Variants in PLCG2 observed in about 807,000 individuals in gnomAD.
PLCG2 encodes 1-phosphatidylinositol 4,5-bisphosphate phosphodiesterase gamma-2.
A neutral mutation model predicts 175.6 loss-of-function variants in PLCG2; 69 were observed. That is an observed-to-expected ratio of 0.39 (90% confidence interval 0.32 to 0.48). The LOEUF (loss-of-function observed/expected upper bound fraction) is 0.48, where lower values mean the gene tolerates loss of function less well. Ranked by LOEUF, PLCG2 falls within the 20% of genes least tolerant of loss-of-function variation. The probability of loss-of-function intolerance (pLI) is 0.91; values close to 1 mark genes in which losing one functional copy is unlikely to be tolerated. For missense variants in PLCG2, 1,798 were observed against 1,650.9 expected, an observed-to-expected ratio of 1.09 and a Z score of -1.54; for synonymous variants, 827 against 624.0, an observed-to-expected ratio of 1.33 and a Z score of -4.85.
intron 2 of PLCG2, among the ~76,000 whole-genome samples, chr16:81,852,677 A>G (rs1052933048): frequency 2.0e-5 from 3 of 152,218 alleles, no homozygotes; most frequent in Non-Finnish European, 2.9e-5. Context: ...ATCTATTGCT[A>G]TACAACAAAC....
At chr16:81,781,411 C>G (rs1910725638) in intron 1 of PLCG2, among the ~76,000 whole-genome samples, 1 of 54,440 alleles carries the variant, frequency 1.8e-5, no homozygotes, top group Admixed American at 2.2e-4. Context: ...CAGTTGTTTT[C>G]TGTTTTTTTT....
rs541204865 is a variant in PLCG2, at chr16:81,885,725, T to C, written c.765+2384T>C. Among the ~76,000 whole-genome samples the C allele has an allele frequency of 7.7e-4, 118 of 152,282 alleles. 1 individual carries two copies. In the South Asian group the frequency reaches 0.016, roughly 20 times the overall value. On this transcript the variant is annotated intron_variant, in intron 9 of 32. Transcript: ENST00000564138. ...ATACCCAGCCTGCATTTGGATTTCA[T>C]TGATGGAAGAGAAACTTATGAGTAG...
chr16:81,925,530 G>A (rs1910227927), intron 22 of PLCG2, among the ~76,000 whole-genome samples: 1 of 152,148 alleles, frequency 6.6e-6, no homozygotes, highest in Non-Finnish European at 1.5e-5. Context: ...TCCTCACTCT[G>A]CTTATTCAGA....
At chr16:81,787,476 C>T (rs1292360854) in intron 2 of PLCG2, among the ~76,000 whole-genome samples, 3 of 137,204 alleles carry the variant, frequency 2.2e-5, no homozygotes, top group Non-Finnish European at 4.6e-5. Flanking sequence ...GATCCTCCCT[C>T]CTTGGCCTCC....
chr16:81,933,169 C>A (rs931850107), intron 25 of PLCG2, among the ~76,000 whole-genome samples: 1 of 152,238 alleles, frequency 6.6e-6, no homozygotes, highest in African/African-American at 2.4e-5. Flanking sequence ...TCCTCTCTAA[C>A]TGGTTTTTAT....
At position 81,912,670 on chromosome 16, in the gene PLCG2, C is replaced by G; in HGVS notation, c.2008C>G (p.Leu670Val). 1.9e-6 allele frequency: 3 copies of G among 1,612,824 alleles called. No homozygotes were observed. The highest frequency in any genetic ancestry group is 1.7e-4 in the Middle Eastern group (1 of 6,060). ...GAGGATTCCCCGGGACGGGGCCTTC[C>G]TGATCCGGAAGCGAGAGGGGAGCGA... is the stretch of plus-strand genomic sequence containing the variant. ...LMRIPRDGAF[L>V]IRKREGSDSY... Residue 670 changes from leucine to valine, a missense_variant, in exon 19 of 33, where the codon CTG (leucine) becomes GTG (valine). Physicochemically the swap from Leu to Val is conservative, Grantham distance 32. Coordinates refer to ENST00000564138, the MANE Select transcript of PLCG2 (RefSeq NM_002661.5).
At chr16:81,808,875 A>G (rs1904294670) in intron 2 of PLCG2, among the ~76,000 whole-genome samples, 1 of 152,080 alleles carries the variant, frequency 6.6e-6, no homozygotes, top group Admixed American at 6.5e-5. Flanking sequence ...GGCTTATCAG[A>G]GCATGCTGGA....
At chr16:81,877,500 C>T (rs1361863009) in intron 7 of PLCG2, among the ~76,000 whole-genome samples, 1 of 152,210 alleles carries the variant, frequency 6.6e-6, no homozygotes, top group African/African-American at 2.4e-5. Flanking sequence ...CCTCACTGTA[C>T]TGGAGGTTAA....
At chr16:81,937,727 A>G in intron 27 of PLCG2, 31 bp from the exon 28 acceptor site, 1 of 1,606,564 alleles carries the variant, frequency 6.2e-7, no homozygotes, top group Non-Finnish European at 8.5e-7. Context: ...CTCATGCCTG[A>G]CTTACAGCAG....
chr16:81,806,533 T>G (rs1336427759), intron 2 of PLCG2, among the ~76,000 whole-genome samples: 3 of 152,182 alleles, frequency 2.0e-5, no homozygotes, highest in Non-Finnish European at 2.9e-5. Flanking sequence ...CAGGCAGCAC[T>G]GCTCAGCTTG....
chr16:81,874,232 A>G (rs528805574), intron 7 of PLCG2, among the ~76,000 whole-genome samples: 37 of 152,354 alleles, frequency 2.4e-4, no homozygotes, highest in African/African-American at 8.4e-4. Context: ...GGCTATAAAT[A>G]GGGTCACATC....
In PLCG2 at chr16:81,881,783, A is replaced by G. The variant is rs1429983898; in HGVS notation, c.692+830A>G. ...CCTCATCCTCCGAATAGCTGGGACT[A>G]CAGGCATCCATCATGTCCAGCTATT... is the stretch of plus-strand genomic sequence containing the variant. On this transcript the variant is annotated intron_variant, in intron 8 of 32. Coordinates refer to ENST00000564138, the MANE Select transcript of PLCG2 (RefSeq NM_002661.5). 3.3e-5 allele frequency among the ~76,000 whole-genome samples: 5 copies of G among 151,190 alleles called. No individual in the cohort carries two copies. The East Asian group carries it at 7.8e-4, about 23-fold the overall frequency.
intron 2 of PLCG2, among the ~76,000 whole-genome samples, chr16:81,771,367 A>C (rs4328435): frequency 0.54 from 81,445 of 151,982 alleles, 21,885 homozygotes; most frequent in East Asian, 0.66. Context: ...AGCCAGGACT[A>C]TTCTGACTTC....
At chr16:81,909,280 C>T (rs1239603299) in intron 17 of PLCG2, among the ~76,000 whole-genome samples, 5 of 152,014 alleles carry the variant, frequency 3.3e-5, no homozygotes, top group Non-Finnish European at 7.4e-5. Flanking sequence ...ACATCCCTCC[C>T]TTTATTGGGG....
intron 5 of PLCG2, among the ~76,000 whole-genome samples, chr16:81,863,526 T>C (rs1175920804): frequency 1.3e-5 from 2 of 152,224 alleles, no homozygotes; most frequent in African/African-American, 4.8e-5. Flanking sequence ...TACAAATCTG[T>C]TTGAGTCTCT....
chr16:81,799,495 G>C (rs1388570034), intron 2 of PLCG2, among the ~76,000 whole-genome samples: 3 of 152,156 alleles, frequency 2.0e-5, no homozygotes, highest in Non-Finnish European at 4.4e-5. Context: ...TGTGACCATA[G>C]GTCACTGTAG....
At chr16:81,758,982 T>G (rs1184536046) in intron 2 of PLCG2, among the ~76,000 whole-genome samples, 1 of 152,182 alleles carries the variant, frequency 6.6e-6, no homozygotes, top group East Asian at 1.9e-4. Context: ...CCGGCTATCG[T>G]CCATCTTTTT....
At chr16:81,873,609 A>G (rs1183428182) in intron 7 of PLCG2, among the ~76,000 whole-genome samples, 2 of 151,922 alleles carry the variant, frequency 1.3e-5, no homozygotes, top group Admixed American at 6.6e-5. Context: ...GTGTTGTCAG[A>G]CAGATGTCAG....
intron 2 of PLCG2, among the ~76,000 whole-genome samples, chr16:81,830,029 T>A (rs997958511): frequency 1.3e-5 from 2 of 152,042 alleles, no homozygotes; most frequent in Admixed American, 1.3e-4. Context: ...AGATTAAATA[T>A]ATAATAGTGG....
Sources: allele counts gnomAD v4.1 joint callset (sites outside exome capture counted in the v4.1 genomes callset), GRCh38; gene constraint gnomAD v4.1.1; transcripts MANE v1.5; gene names NCBI Gene and HGNC (gene_info 2026-07-23, HGNC 2026-07-21).